The following SPMAP2L variants were observed in gnomAD, a reference collection of about 807,000 sequenced individuals.
SPMAP2L encodes the protein sperm microtubule associated protein 2 like, also known as sperm microtubule associated protein 2-like.
the SPMAP2L span, among the ~76,000 whole-genome samples, chr4:56,600,276 G>A: frequency 1.3e-5 from 2 of 151,560 alleles, no homozygotes; most frequent in African/African-American, 2.4e-5. Context: ...TTAGCAAAAT[G>A]GGAAACAATA....
chr4:56,545,873 A>G, the SPMAP2L span, among the ~76,000 whole-genome samples: 7 of 152,062 alleles, frequency 4.6e-5, no homozygotes, highest in Non-Finnish European at 7.4e-5. Flanking sequence ...GCTCACAGCA[A>G]CTTCTGCCTC....
At chr4:56,570,365 T>G in the SPMAP2L span, among the ~76,000 whole-genome samples, 6 of 152,222 alleles carry the variant, frequency 3.9e-5, no homozygotes, top group African/African-American at 1.4e-4. Flanking sequence ...ACAAACATCA[T>G]AAAGTGCACT....
the SPMAP2L span, among the ~76,000 whole-genome samples, chr4:56,534,877 C>T: frequency 0.016 from 2,407 of 152,230 alleles, 71 homozygotes; most frequent in African/African-American, 0.054. Context: ...TGCAGTGAGC[C>T]AAGATTGCAC....
chr4:56,602,484 G>A, the SPMAP2L span, among the ~76,000 whole-genome samples: 3 of 152,154 alleles, frequency 2.0e-5, 1 homozygote, highest in Non-Finnish European at 4.4e-5. Context: ...CTTGAGCCCA[G>A]GAGTTTGAGA....
the SPMAP2L span, among the ~76,000 whole-genome samples, chr4:56,543,975 A>C: frequency 6.3e-5 from 1 of 15,770 alleles, no homozygotes; most frequent in African/African-American, 4.7e-4. Context: ...TGTGTATGTG[A>C]GAGAGAGAGA....
chr4:56,584,049 C>G, the SPMAP2L span, among the ~76,000 whole-genome samples: 1 of 152,018 alleles, frequency 6.6e-6, no homozygotes, highest in Non-Finnish European at 1.5e-5. Context: ...TCACTGCAGC[C>G]TTGACCTCTT....
the SPMAP2L span, among the ~76,000 whole-genome samples, chr4:56,545,136 C>G: frequency 6.6e-6 from 1 of 152,232 alleles, no homozygotes; most frequent in Admixed American, 6.5e-5. Flanking sequence ...GATGAAGCCC[C>G]TGCTCCACCC....
the SPMAP2L span, among the ~76,000 whole-genome samples, chr4:56,598,635 A>G: frequency 6.6e-6 from 1 of 151,092 alleles, no homozygotes; most frequent in African/African-American, 2.4e-5. Flanking sequence ...AAAGGTCCTG[A>G]GAGGGAAGGA....
chr4:56,568,796 T>C, the SPMAP2L span, among the ~76,000 whole-genome samples: 1 of 152,226 alleles, frequency 6.6e-6, no homozygotes, highest in Non-Finnish European at 1.5e-5. Context: ...TTAAACTCAT[T>C]AGCAGTCAGT....
chr4:56,560,313 C>T, the SPMAP2L span, among the ~76,000 whole-genome samples: 21 of 152,176 alleles, frequency 1.4e-4, no homozygotes, highest in African/African-American at 2.9e-4. Flanking sequence ...TGATACTCTC[C>T]GTCCTGGCTT....
the SPMAP2L span, among the ~76,000 whole-genome samples, chr4:56,620,680 C>T: frequency 2.6e-5 from 4 of 152,194 alleles, no homozygotes; most frequent in Admixed American, 6.5e-5. Flanking sequence ...CCACCGCGCC[C>T]GACATCCTTC....
At chr4:56,543,412 G>T in the SPMAP2L span, among the ~76,000 whole-genome samples, 3 of 152,056 alleles carry the variant, frequency 2.0e-5, no homozygotes, top group African/African-American at 7.2e-5. Context: ...AAAGTTTAGG[G>T]CTGGGCATGG....
At chr4:56,616,170 C>G in the SPMAP2L span, among the ~76,000 whole-genome samples, 1 of 152,162 alleles carries the variant, frequency 6.6e-6, no homozygotes, top group Non-Finnish European at 1.5e-5. Flanking sequence ...GGCTGCAAGT[C>G]TGAGATCAAG....
the SPMAP2L span, among the ~76,000 whole-genome samples, chr4:56,553,461 G>A: frequency 2.3e-4 from 34 of 150,340 alleles, no homozygotes; most frequent in Non-Finnish European, 4.1e-4. Flanking sequence ...CCAAAGTGTT[G>A]GGATTACAGA....
the SPMAP2L span, chr4:56,596,641 C>T: frequency 9.3e-6 from 14 of 1,506,370 alleles, no homozygotes; most frequent in South Asian, 2.5e-5. Flanking sequence ...TGTAAGCCAT[C>T]GCTACCTTGG....
At chr4:56,562,265 C>T in the SPMAP2L span, among the ~76,000 whole-genome samples, 145,023 of 152,078 alleles carry the variant, frequency 0.95, 69,235 homozygotes, top group Middle Eastern at 0.97. Context: ...CCTTTCCCTA[C>T]TCTCTCTTCC....
the SPMAP2L span, among the ~76,000 whole-genome samples, chr4:56,569,524 T>G: frequency 6.6e-6 from 1 of 152,128 alleles, no homozygotes; most frequent in Non-Finnish European, 1.5e-5. Flanking sequence ...AAAATGGGAC[T>G]GGTGGCTGGG....
chr4:56,611,402 C>T, the SPMAP2L span, among the ~76,000 whole-genome samples: 3 of 152,066 alleles, frequency 2.0e-5, no homozygotes, highest in Non-Finnish European at 2.9e-5. Flanking sequence ...AAGAATGATA[C>T]AGTGGACTTT....
chr4:56,581,159 T>TA, the SPMAP2L span, among the ~76,000 whole-genome samples: 348 of 148,586 alleles, frequency 2.3e-3, 4 homozygotes, highest in African/African-American at 6.4e-3. Flanking sequence ...CTACTAAAAA[T>TA]AAAAAAAAAA....
Sources: gnomAD v4.1 joint callset for allele counts (sites outside exome capture counted in the v4.1 genomes callset) on GRCh38, gnomAD v4.1.1 for gene constraint, MANE v1.5 for transcripts, NCBI Gene and HGNC (gene_info 2026-07-23, HGNC 2026-07-21) for gene names.